The following TNR variants were observed in gnomAD, a reference collection of about 807,000 sequenced individuals.
TNR encodes tenascin R.
Under a neutral mutation model 150.4 loss-of-function variants are expected in TNR, and 45 were observed. The observed-to-expected ratio is 0.30, with a 90% confidence interval of 0.24 to 0.38. The LOEUF (loss-of-function observed/expected upper bound fraction) is 0.38, where lower values mean the gene tolerates loss of function less well. TNR is among the 10% of genes least tolerant of loss of function. The probability of loss-of-function intolerance (pLI) is 1.00; values close to 1 mark genes in which losing one functional copy is unlikely to be tolerated. For synonymous variants in TNR, 687 were observed against 678.4 expected, an observed-to-expected ratio of 1.01 and a Z score of -0.20; for missense variants, 1,544 against 1,759.1, an observed-to-expected ratio of 0.88 and a Z score of 2.19.
chr1:175,332,617 C>T (rs964383864), intron 20 of TNR, among the ~76,000 whole-genome samples: 1 of 152,162 alleles, frequency 6.6e-6, no homozygotes. Flanking sequence ...TTTAAGTTCC[C>T]TACTGTGCCT....
chr1:175,545,491 G>A (rs1378804928), intron 1 of TNR, among the ~76,000 whole-genome samples: 2 of 152,192 alleles, frequency 1.3e-5, no homozygotes, highest in African/African-American at 4.8e-5. Flanking sequence ...ACCACAGACT[G>A]AGGAGGGAGA....
chr1:175,633,775 A>C (rs914478384), intron 1 of TNR, among the ~76,000 whole-genome samples: 1 of 152,112 alleles, frequency 6.6e-6, no homozygotes, highest in Non-Finnish European at 1.5e-5. Context: ...CAATCCGCTG[A>C]CATTTTTGTC....
chr1:175,536,232 G>A (rs893201969), intron 1 of TNR, among the ~76,000 whole-genome samples: 3 of 152,006 alleles, frequency 2.0e-5, no homozygotes, highest in African/African-American at 2.4e-5. Context: ...AGAAGGATTC[G>A]TGTGCTTCAC....
chr1:175,326,171 A>C (rs1336887115), intron 21 of TNR, among the ~76,000 whole-genome samples: 2 of 152,150 alleles, frequency 1.3e-5, no homozygotes, highest in Non-Finnish European at 2.9e-5. Flanking sequence ...GATATTGTGC[A>C]GGGGGCTCAG....
At chr1:175,717,390 G>A (rs192670354) in intron 1 of TNR, among the ~76,000 whole-genome samples, 7 of 152,170 alleles carry the variant, frequency 4.6e-5, no homozygotes, top group South Asian at 4.2e-4. Flanking sequence ...TCAGCATCAC[G>A]CAATATACCC....
At chr1:175,496,478 C>T (rs1477077540) in intron 2 of TNR, among the ~76,000 whole-genome samples, 2 of 152,204 alleles carry the variant, frequency 1.3e-5, no homozygotes, top group East Asian at 3.9e-4. Flanking sequence ...GCAGAAGCAT[C>T]TCTGGCACTG....
intron 1 of TNR, among the ~76,000 whole-genome samples, chr1:175,555,854 C>T (rs1661136988): frequency 1.3e-5 from 2 of 152,234 alleles, no homozygotes. Context: ...CTAGAAGGCT[C>T]CTTCCAACCA....
At chr1:175,455,241 A>G (rs1315866296) in intron 2 of TNR, among the ~76,000 whole-genome samples, 1 of 152,224 alleles carries the variant, frequency 6.6e-6, no homozygotes, top group Non-Finnish European at 1.5e-5. Flanking sequence ...TCTGCTCTGC[A>G]TTGTTCAAAC....
intron 1 of TNR, among the ~76,000 whole-genome samples, chr1:175,657,723 G>A (rs1443829649): frequency 7.7e-6 from 1 of 129,044 alleles, no homozygotes; most frequent in African/African-American, 2.9e-5. Flanking sequence ...TGAACAATGA[G>A]AACACATGGA....
chr1:175,493,460 G>C (rs546939842), intron 2 of TNR, among the ~76,000 whole-genome samples: 1 of 152,198 alleles, frequency 6.6e-6, no homozygotes, highest in Non-Finnish European at 1.5e-5. Flanking sequence ...AGACCAGGGC[G>C]GCCTCTCTGG....
intron 12 of TNR, among the ~76,000 whole-genome samples, chr1:175,364,169 T>C (rs1192263662): frequency 6.6e-6 from 1 of 152,214 alleles, no homozygotes; most frequent in Non-Finnish European, 1.5e-5. Flanking sequence ...TCTGAGGTAA[T>C]TTTTTAAGAT....
At chr1:175,546,323 G>T (rs990638396) in intron 1 of TNR, among the ~76,000 whole-genome samples, 1 of 152,204 alleles carries the variant, frequency 6.6e-6, no homozygotes, top group Non-Finnish European at 1.5e-5. Context: ...TAACATGGGG[G>T]TGAGGTTAAG....
intron 2 of TNR, among the ~76,000 whole-genome samples, chr1:175,420,299 C>A (rs1051702784): frequency 2.0e-5 from 3 of 152,206 alleles, no homozygotes; most frequent in Non-Finnish European, 4.4e-5. Context: ...CCAGATGTTT[C>A]TTCCTGTCCC....
chr1:175,453,198 A>T (rs1254485305), intron 2 of TNR, among the ~76,000 whole-genome samples: 1 of 152,214 alleles, frequency 6.6e-6, no homozygotes, highest in African/African-American at 2.4e-5. Flanking sequence ...GACAAAGGAA[A>T]GGATGAAAAC....
intron 18 of TNR, among the ~76,000 whole-genome samples, chr1:175,339,944 G>T (rs929349949): frequency 2.0e-5 from 3 of 152,092 alleles, no homozygotes; most frequent in Non-Finnish European, 4.4e-5. Flanking sequence ...CTTTTTAAAG[G>T]CTCAAACATA....
intron 1 of TNR, among the ~76,000 whole-genome samples, chr1:175,683,283 C>G (rs962594281): frequency 6.6e-6 from 1 of 152,158 alleles, no homozygotes; most frequent in African/African-American, 2.4e-5. Flanking sequence ...AGAAAGATAA[C>G]AAAGGCTTGT....
intron 4 of TNR, among the ~76,000 whole-genome samples, chr1:175,397,419 G>A (rs1653485949): frequency 6.6e-6 from 1 of 152,166 alleles, no homozygotes; most frequent in Non-Finnish European, 1.5e-5. Flanking sequence ...GAGCCAGGTT[G>A]TTAGGTATTT....
In TNR at chr1:175,377,551, T is replaced by A. The variant is rs202226872; in HGVS notation, c.1963+2001A>T. Among the ~76,000 whole-genome samples, 5 of 151,726 alleles carry A rather than the reference T, an allele frequency of 3.3e-5. No individual in the cohort carries two copies. In the East Asian group the frequency reaches 9.7e-4, roughly 30 times the overall value. ...TATGCCAGCTGGTCTATCCTTTCTC[T>A]GCTTAATTCACCCCCGTTAATCTGC... On this transcript the variant is annotated intron_variant, in intron 9 of 22. Coordinates refer to ENST00000367674, the MANE Select transcript of TNR (RefSeq NM_003285.3).
chr1:175,618,521 CA>C (rs1663853045), intron 1 of TNR, among the ~76,000 whole-genome samples: 2 of 152,174 alleles, frequency 1.3e-5, no homozygotes, highest in Admixed American at 1.3e-4. Context: ...TATTAAACTG[CA>C]GTTCTTTTTC....
Sources: allele counts gnomAD v4.1 joint callset (sites outside exome capture counted in the v4.1 genomes callset), GRCh38; gene constraint gnomAD v4.1.1; transcripts MANE v1.5; gene names NCBI Gene and HGNC (gene_info 2026-07-23, HGNC 2026-07-21).